Variants in AFG2B observed in about 807,000 individuals in gnomAD.
AFG2B encodes the protein AAA ATPase AFG2B.
At chr15:45,412,297 A>T in the AFG2B span, among the ~76,000 whole-genome samples, 1 of 152,194 alleles carries the variant, frequency 6.6e-6, no homozygotes, top group Non-Finnish European at 1.5e-5. Context: ...ACTACTGGGA[A>T]GGCTGAGGCA....
the AFG2B span, chr15:45,405,498 G>T: frequency 6.2e-7 from 1 of 1,612,952 alleles, no homozygotes; most frequent in Middle Eastern, 1.7e-4. Flanking sequence ...CTCCTTCATA[G>T]TGAGAAGGTA....
chr15:45,407,988 C>A, the AFG2B span, among the ~76,000 whole-genome samples: 1 of 152,052 alleles, frequency 6.6e-6, no homozygotes, highest in East Asian at 1.9e-4. Flanking sequence ...GCTGAGTTGA[C>A]CATTTGGGGG....
chr15:45,403,264 G>A, the AFG2B span: 11 of 1,588,816 alleles, frequency 6.9e-6, no homozygotes, highest in Admixed American at 1.8e-5. Flanking sequence ...TGGGGAGACC[G>A]AGGAGAACGT....
the AFG2B span, chr15:45,402,844 C>T: frequency 1.3e-6 from 2 of 1,598,588 alleles, no homozygotes; most frequent in Non-Finnish European, 1.7e-6. Context: ...ACAGGAGCTG[C>T]TGAGAAACCG....
At chr15:45,418,535 A>G in the AFG2B span, 1 of 1,570,466 alleles carries the variant, frequency 6.4e-7, no homozygotes, top group Non-Finnish European at 8.6e-7. Flanking sequence ...GATTTAAAAT[A>G]CTGTTTTTTA....
At chr15:45,418,115 G>A in the AFG2B span, among the ~76,000 whole-genome samples, 7 of 152,022 alleles carry the variant, frequency 4.6e-5, no homozygotes, top group East Asian at 1.9e-4. Flanking sequence ...AGGCCAAGGC[G>A]GGTAGATCAC....
chr15:45,414,472 A>G, the AFG2B span: 1 of 1,109,966 alleles, frequency 9.0e-7, no homozygotes, highest in East Asian at 2.6e-5. Flanking sequence ...AGCTCATAAT[A>G]GGAGGCTGAG....
the AFG2B span, among the ~76,000 whole-genome samples, chr15:45,412,827 G>A: frequency 2.0e-5 from 3 of 152,060 alleles, no homozygotes; most frequent in Admixed American, 6.6e-5. Flanking sequence ...GCTGTGGGAC[G>A]CAACTCTTCA....
the AFG2B span, chr15:45,414,535 T>A: frequency 3.2e-6 from 5 of 1,582,870 alleles, no homozygotes; most frequent in Non-Finnish European, 3.5e-6. Context: ...TTTATTATTA[T>A]ACTAAAACAA....
At chr15:45,407,189 A>G in the AFG2B span, 6 of 1,261,688 alleles carry the variant, frequency 4.8e-6, no homozygotes, top group Admixed American at 2.6e-5. Flanking sequence ...GAAGGAAGAA[A>G]GGCAAAAAGC....
At chr15:45,419,907 C>T in the AFG2B span, among the ~76,000 whole-genome samples, 1 of 146,734 alleles carries the variant, frequency 6.8e-6, no homozygotes, top group African/African-American at 2.5e-5. Flanking sequence ...GGGAGGATCA[C>T]TTGAGCCTGG....
chr15:45,418,600 T>C, the AFG2B span: 1 of 1,613,558 alleles, frequency 6.2e-7, no homozygotes, highest in African/African-American at 1.3e-5. Flanking sequence ...ACCATGCCAA[T>C]AGGGCCTGAT....
chr15:45,417,421 CTGTG>C, the AFG2B span: 8 of 1,612,106 alleles, frequency 5.0e-6, no homozygotes, highest in Non-Finnish European at 5.9e-6. Flanking sequence ...CACATTTACT[CTGTG>C]TGAGCTCAGC....
chr15:45,410,501 C>T, the AFG2B span: 1 of 1,609,990 alleles, frequency 6.2e-7, no homozygotes, highest in Non-Finnish European at 8.5e-7. Flanking sequence ...GATTGGTGGC[C>T]TTGAAGATGT....
the AFG2B span, chr15:45,415,511 A>T: frequency 7.5e-7 from 1 of 1,329,434 alleles, no homozygotes; most frequent in South Asian, 1.4e-5. Context: ...AAAAAAAAAA[A>T]ACAGGATTAT....
chr15:45,420,121 T>TTC, the AFG2B span, among the ~76,000 whole-genome samples: 1 of 152,220 alleles, frequency 6.6e-6, no homozygotes, highest in Non-Finnish European at 1.5e-5. Context: ...ATATGTTATT[T>TTC]TCTGTCTGGT....
At chr15:45,417,609 T>C in the AFG2B span, 1 of 484,920 alleles carries the variant, frequency 2.1e-6, no homozygotes, top group Non-Finnish European at 3.6e-6. Flanking sequence ...GGTTATTTTT[T>C]GTGTTGTGGC....
the AFG2B span, among the ~76,000 whole-genome samples, chr15:45,410,773 A>G: frequency 6.6e-6 from 1 of 152,104 alleles, no homozygotes; most frequent in Non-Finnish European, 1.5e-5. Flanking sequence ...TTATAACCTA[A>G]GGCTGGGTGT....
the AFG2B span, among the ~76,000 whole-genome samples, chr15:45,416,301 A>G: frequency 6.6e-6 from 1 of 152,204 alleles, no homozygotes; most frequent in Admixed American, 6.5e-5. Context: ...GGAGATTATT[A>G]TTTCCAATAG....
Sources: allele counts gnomAD v4.1 joint callset (sites outside exome capture counted in the v4.1 genomes callset), GRCh38; gene constraint gnomAD v4.1.1; transcripts MANE v1.5; gene names NCBI Gene and HGNC (gene_info 2026-07-23, HGNC 2026-07-21).